Variants in SEC16A observed in about 807,000 individuals in gnomAD.
SEC16A encodes protein transport protein Sec16A.
In SEC16A, 110 loss-of-function variants were observed where a neutral mutation model predicts 221.9. That is an observed-to-expected ratio of 0.50 (90% CI 0.42 to 0.58). The LOEUF is 0.58. Ranked by LOEUF, SEC16A falls within the 20% of genes least tolerant of loss-of-function variation. The pLI is 0.00. For synonymous variants in SEC16A, 1,393 were observed against 1,257.7 expected (o/e 1.11, Z -2.28); for missense variants, 3,165 against 3,097.8 (o/e 1.02, Z -0.52).
rs1412438841 is a variant in SEC16A at position 136,475,696 on chromosome 9, G to A, written c.1920C>T (p.Val640=). ...NVVGEVRETC[V]RQKQCRPAAA... ...CAGCTGGTCTGCACTGCTTCTGGCG[G>A]ACACAGGTCTCCCTTACTTCACCAA... Residue 640 remains valine (V), a synonymous_variant, in exon 3 of 32, where the codon GTC becomes GTT. Transcript: ENST00000684901. The surrounding 1 kb of genome is among the most constrained non-coding windows in gnomAD (Gnocchi z 5.0). 6.2e-7 allele frequency: 1 copy of A among 1,613,578 alleles called. No homozygotes were observed. Among genetic ancestry groups the A allele is most frequent in the Admixed American group, 1.7e-5 (1 of 59,962 alleles).
intron 4 of SEC16A, among the ~76,000 whole-genome samples, chr9:136,470,195 A>T (rs1840676453): frequency 6.6e-6 from 1 of 152,236 alleles, no homozygotes; most frequent in African/African-American, 2.4e-5. Flanking sequence ...GAGCCTGCGC[A>T]AGCCAGGGCT....
At chr9:136,471,756 C>T (rs1244586564) in intron 4 of SEC16A, among the ~76,000 whole-genome samples, 1 of 152,262 alleles carries the variant, frequency 6.6e-6, no homozygotes, top group Non-Finnish European at 1.5e-5. Flanking sequence ...TGCTAACTGA[C>T]CAGCACAGCT....
chr9:136,449,787 T>C (rs1196736659), intron 23 of SEC16A, among the ~76,000 whole-genome samples: 1 of 152,260 alleles, frequency 6.6e-6, no homozygotes, highest in East Asian at 1.9e-4. Context: ...TCAAGTATCA[T>C]GTTTTATCTC....
Position 136,453,434 on chromosome 9 carries a change from A to G in SEC16A, c.6153T>C (p.Ala2051=). Residue 2051 remains alanine, a synonymous_variant, in exon 22 of 32, where the codon GCT becomes GCC. Coordinates refer to ENST00000684901, the MANE Select transcript of SEC16A (RefSeq NM_014866.2). ...LSEENFDGKF[A]NLTPSRTVPD... is the part of the protein sequence containing the mutation. ...AGAAAATGTGACAAAGTACCAGATTAGCAAATTTTCCATCAAAATTTTCTT... is the reference window on the plus strand; with the variant it reads ...AGAAAATGTGACAAAGTACCAGATTGGCAAATTTTCCATCAAAATTTTCTT... 6.2e-7 allele frequency: 1 copy of G among 1,612,672 alleles called. No homozygotes were observed. Among genetic ancestry groups the G allele is most frequent in the Middle Eastern group, 1.7e-4 (1 of 6,060 alleles).
chr9:136,448,197 A>AT (rs1409457055), intron 23 of SEC16A, 36 bp from the exon 24 acceptor site: 1 of 1,561,340 alleles, frequency 6.4e-7, no homozygotes, highest in Non-Finnish European at 8.8e-7. Context: ...CTTTGAAAAC[A>AT]TTATGTTCCA....
chr9:136,465,219 G>A (rs1413141483), intron 8 of SEC16A, among the ~76,000 whole-genome samples: 1 of 152,234 alleles, frequency 6.6e-6, no homozygotes, highest in Admixed American at 6.5e-5. Context: ...GGGAGACCGA[G>A]GAGGATGGAT....
At chr9:136,483,538 C>G (rs955814990), upstream of SEC16A, 41 of 985,230 alleles carry the variant, frequency 4.2e-5, no homozygotes, top group East Asian at 2.2e-4. Flanking sequence ...GCCACCTGCC[C>G]GGCCAGGCGC....
upstream of SEC16A, chr9:136,483,785 G>A (rs1279872767): frequency 1.0e-6 from 1 of 985,376 alleles, no homozygotes. Context: ...TGGGAGGCTG[G>A]AGGGCAGGCG....
rs750476360 is a variant in SEC16A at position 136,446,872 on chromosome 9, G to A, written c.6775C>T (p.Pro2259Ser). 1.9e-6 allele frequency: 3 copies of A among 1,609,874 alleles called. No individual in the cohort carries two copies. The South Asian group carries it at 3.3e-5, about 18-fold the overall frequency. Reference protein sequence around the residue: ...AAARGLANPEPAPEPKVLSSA... With the variant: ...AAARGLANPESAPEPKVLSSA... ...CCGCTCACCTTGGGCTCTGGGGCAG[G>A]CTCTGGATTGGCCAGGCCCCTAGCT... Residue 2259 changes from proline (P) to serine (S), a missense_variant, in exon 28 of 32, where the codon CCT (proline) becomes TCT (serine). Physicochemically the swap from Pro to Ser is moderately conservative, Grantham distance 74. Transcript: ENST00000684901.
At chr9:136,483,745 G>A (rs1342917661), upstream of SEC16A, 2 of 985,314 alleles carry the variant, frequency 2.0e-6, no homozygotes, top group African/African-American at 1.7e-5. Flanking sequence ...GCCCTGACGC[G>A]GGCGCGCTCC....
At position 136,476,804 on chromosome 9, in the gene SEC16A, G is replaced by A; in HGVS notation, c.812C>T (p.Pro271Leu). The change falls in exon 3 of 32, where the codon CCC becomes CTC. Residue 271 changes from proline (P) to leucine (L), a missense_variant. Pro to Leu is a moderately conservative substitution (Grantham distance 98). Around this residue, in one of 3 missense-constraint regions of SEC16A, gnomAD observed 2,030 missense variants for 1,923.1 expected, o/e 1.06. Transcript: ENST00000684901. ...GHEQHSPLVA[P>L]PAALPSDGRD... ...TCCGTCACTGGGCAAGGCTGCTGGG[G>A]GAGCCACCAGAGGGCTGTGTTGCTC... 1.9e-6 allele frequency: 3 copies of A among 1,611,528 alleles called. No homozygotes were observed. The highest frequency in any genetic ancestry group is 2.5e-6 in the Non-Finnish European group (3 of 1,178,278).
chr9:136,456,310 G>A (rs995466004), intron 18 of SEC16A, 144 bp from the exon 19 acceptor site: 10 of 624,162 alleles, frequency 1.6e-5, no homozygotes, highest in African/African-American at 1.3e-4. Flanking sequence ...TATGTGCTTA[G>A]GTGACATACA....
intron 13 of SEC16A, 27 bp from the exon 14 acceptor site, chr9:136,460,150 C>G (rs761911972): frequency 6.4e-7 from 1 of 1,562,956 alleles, no homozygotes; most frequent in Non-Finnish European, 8.7e-7. Context: ...ACAGAAAGAC[C>G]CCATGCTGGC....
Position 136,477,522 on chromosome 9 carries a change from T to C in SEC16A, c.94A>G (p.Arg32Gly). 1.2e-6 allele frequency: 2 copies of C among 1,613,802 alleles called. No individual in the cohort carries two copies. The highest frequency in any genetic ancestry group is 2.2e-5 in the South Asian group (2 of 91,072). Residue 32 changes from arginine (R) to glycine (G), a missense_variant, in exon 3 of 32, where the codon AGG (arginine) becomes GGG (glycine). Coordinates refer to ENST00000684901, the MANE Select transcript of SEC16A (RefSeq NM_014866.2). ...GCTGCATTATTATTAGCCCGTCTCC[T>C]GTAAGGGCTGCTAGCCCAGAACACG... ...RSVFWASSPY[R>G]RRANNNAAVA...
chr9:136,453,889 C>T (rs539735076), intron 21 of SEC16A, among the ~76,000 whole-genome samples: 1 of 152,318 alleles, frequency 6.6e-6, no homozygotes, highest in East Asian at 1.9e-4. Context: ...TTAAGCTTCA[C>T]AACAAAAAGC....
intron 4 of SEC16A, among the ~76,000 whole-genome samples, chr9:136,471,291 A>T (rs896813385): frequency 6.9e-6 from 1 of 144,056 alleles, no homozygotes; most frequent in Non-Finnish European, 1.5e-5. Context: ...ACATAGTGAG[A>T]CCCTCGTCTC....
At chr9:136,455,118 C>G (rs1838431799) in intron 20 of SEC16A, among the ~76,000 whole-genome samples, 1 of 152,204 alleles carries the variant, frequency 6.6e-6, no homozygotes, top group Non-Finnish European at 1.5e-5. Context: ...GACCTGCGTG[C>G]AGGCCGCGCT....
chr9:136,483,888 C>T, upstream of SEC16A: 3 of 822,538 alleles, frequency 3.6e-6, no homozygotes, highest in Non-Finnish European at 2.9e-6. Flanking sequence ...ACGGCGTGGC[C>T]GCGGGCACCG....
rs1841817173 is a variant in SEC16A at position 136,477,584 on chromosome 9, C to A, written c.32G>T (p.Gly11Val). Residue 11 changes from glycine (G) to valine (V), a missense_variant, in exon 3 of 32, where the codon GGC (glycine) becomes GTC (valine). Gly to Val is a moderately radical substitution (Grantham distance 109). Coordinates refer to ENST00000684901, the MANE Select transcript of SEC16A (RefSeq NM_014866.2). MQPPPQTVPSGMAGPPPAGNP... is the reference protein window; with the variant it reads MQPPPQTVPSVMAGPPPAGNP... ...CCCGGCTGGAGGTGGCCCAGCCATG[C>A]CAGACGGGACCGTCTGGGGCGGTGG... 1 of 1,611,624 alleles carries A rather than the reference C, an allele frequency of 6.2e-7. No individual in the cohort carries two copies. The highest frequency in any genetic ancestry group is 8.5e-7 in the Non-Finnish European group (1 of 1,179,160).
Sources: allele counts gnomAD v4.1 joint callset (sites outside exome capture counted in the v4.1 genomes callset), GRCh38; gene constraint gnomAD v4.1.1; regional missense constraint gnomAD v4.1.1; non-coding constraint Gnocchi (gnomAD v3.1); transcripts MANE v1.5; gene names NCBI Gene and HGNC (gene_info 2026-07-23, HGNC 2026-07-21).